ALKAL2: variants seen among roughly 807,000 people sequenced by gnomAD.
ALKAL2 encodes the protein AUG-alpha.
Under a neutral mutation model 18.5 loss-of-function variants are expected in ALKAL2, and 8 were observed. The observed-to-expected ratio is 0.43, with a 90% CI of 0.25 to 0.78. ALKAL2 has a LOEUF of 0.78. ALKAL2 is among the 30% of genes least tolerant of loss of function. ALKAL2 has a pLI of 0.22. For synonymous variants in ALKAL2, 135 were observed against 95.8 expected (o/e 1.41, Z -2.39); for missense variants, 241 against 211.2 (o/e 1.14, Z -0.88).
chr2:280,185 A>G (rs766349513), intron 5 of ALKAL2, 33 bp from the exon 6 acceptor site: 10 of 1,613,428 alleles, frequency 6.2e-6, no homozygotes, highest in Non-Finnish European at 8.5e-6. Flanking sequence ...TGATATGACT[A>G]TCCACACTTC....
At chr2:284,510 G>A (rs1022703848) in intron 4 of ALKAL2, among the ~76,000 whole-genome samples, 3 of 152,188 alleles carry the variant, frequency 2.0e-5, no homozygotes, top group Non-Finnish European at 4.4e-5. Flanking sequence ...AGAAGAGGCA[G>A]AAAGCAACAA....
At chr2:285,285 A>G (rs1008260125) in intron 4 of ALKAL2, among the ~76,000 whole-genome samples, 1 of 152,192 alleles carries the variant, frequency 6.6e-6, no homozygotes, top group Non-Finnish European at 1.5e-5. Flanking sequence ...CTTCGTGTAC[A>G]TTGGCTTTTC....
chr2:281,101 G>A (rs1246985600), intron 5 of ALKAL2, among the ~76,000 whole-genome samples: 3 of 152,204 alleles, frequency 2.0e-5, no homozygotes, highest in South Asian at 2.1e-4. Flanking sequence ...GAGAAAGCCC[G>A]GACTGTATCT....
At chr2:282,120 G>A (rs1265183468) in intron 5 of ALKAL2, among the ~76,000 whole-genome samples, 1 of 152,182 alleles carries the variant, frequency 6.6e-6, no homozygotes, top group Non-Finnish European at 1.5e-5. Flanking sequence ...GGGAAAGATG[G>A]AGTGGGGGAT....
chr2:286,574 T>C, intron 2 of ALKAL2: 1 of 491,794 alleles, frequency 2.0e-6, no homozygotes, highest in South Asian at 3.5e-5. Flanking sequence ...TCCAGGATTA[T>C]GTCGGCTGTC....
chr2:280,384 A>G (rs1046885028), intron 5 of ALKAL2, among the ~76,000 whole-genome samples: 4 of 152,222 alleles, frequency 2.6e-5, no homozygotes, highest in African/African-American at 7.2e-5. Flanking sequence ...ATCATCACAG[A>G]TACATGTGGA....
chr2:286,363 GTATT>G lies in ALKAL2; in HGVS notation c.254-24_254-21del, dbSNP rs1670508947. Reference sequence around the variant, plus strand: ...CAATTTCTGTTTCAGGGAAAAGAAAGTATTATATTACCTGAAGGACGCATTTTTT... The same window carrying G: ...CAATTTCTGTTTCAGGGAAAAGAAAGATATTACCTGAAGGACGCATTTTTT... On this transcript the variant is annotated intron_variant, in intron 2 of 5. Coordinates refer to ENST00000403610, the MANE Select transcript of ALKAL2 (RefSeq NM_001002919.3). The G allele has an allele frequency of 6.3e-7, 1 of 1,581,438 alleles. No individual in the cohort carries two copies. Among genetic ancestry groups the G allele is most frequent in the African/African-American group, 1.4e-5 (1 of 73,768 alleles).
At chr2:287,323 G>A in intron 2 of ALKAL2, 1 of 365,790 alleles carries the variant, frequency 2.7e-6, no homozygotes, top group Non-Finnish European at 4.9e-6. Context: ...CATTTCCAAA[G>A]TGACGGTTGA....
At chr2:280,286 C>A in intron 5 of ALKAL2, 134 bp from the exon 6 acceptor site, 1 of 955,362 alleles carries the variant, frequency 1.0e-6, no homozygotes, top group South Asian at 1.4e-5. Flanking sequence ...CTGTATTTCT[C>A]TGTGATCCAA....
chr2:284,905 C>T (rs1275882042), intron 4 of ALKAL2, among the ~76,000 whole-genome samples: 1 of 152,048 alleles, frequency 6.6e-6, no homozygotes, highest in African/African-American at 2.4e-5. Context: ...TTAATGATTC[C>T]CAAACAGGTG....
At chr2:286,430 A>T (rs2103085096) in intron 2 of ALKAL2, 87 bp from the exon 3 acceptor site, 1 of 1,043,048 alleles carries the variant, frequency 9.6e-7, no homozygotes, top group Non-Finnish European at 1.4e-6. Context: ...AGAAAATTGG[A>T]GCTCCATATT....
At chr2:281,860 C>CTGAT (rs1355405357) in intron 5 of ALKAL2, among the ~76,000 whole-genome samples, 3 of 152,032 alleles carry the variant, frequency 2.0e-5, no homozygotes, top group Non-Finnish European at 4.4e-5. Context: ...CATCTGTTCA[C>CTGAT]TGATTTAAAC....
chr2:287,863 G>A lies in ALKAL2; in HGVS notation c.-28C>T, dbSNP rs1670581467. On this transcript the variant is annotated 5_prime_UTR_variant, in exon 2 of 6. Coordinates refer to ENST00000403610, the MANE Select transcript of ALKAL2 (RefSeq NM_001002919.3). ...TGCGCTCGGGGCCGCGGGGCTGGGAGACTCCGACACGCGCCGAGAGCTGGG... is the reference window on the plus strand; with the variant it reads ...TGCGCTCGGGGCCGCGGGGCTGGGAAACTCCGACACGCGCCGAGAGCTGGG... 8.6e-6 allele frequency: 11 copies of A among 1,278,984 alleles called. No individual in the cohort carries two copies. The highest frequency in any genetic ancestry group is 2.8e-5 in the South Asian group (1 of 35,218). 79.2% of individuals were successfully genotyped at this position (1,278,984 alleles called of 1,614,324 possible). A position where few individuals can be genotyped will look rare whatever the true frequency, so the allele number is the denominator to read the frequency against.
At chr2:287,109 C>G (rs1355902775) in intron 2 of ALKAL2, 2 of 153,210 alleles carry the variant, frequency 1.3e-5, no homozygotes, top group Non-Finnish European at 2.9e-5. Context: ...CACAGCTGAC[C>G]CCCTAGTGAG....
rs981692079 is a variant in ALKAL2, at chr2:287,662, G to A, written c.174C>T (p.Gly58=). Residue 58 remains glycine (G), a synonymous_variant, in exon 2 of 6, where the codon GGC becomes GGT. Transcript: ENST00000403610. ...CGCAGTCCCGCCCGAGGAGCTGCAG[G>A]CCCTTGTGCTCCGCCGAGTGGTGCT... ...LRKHHSAEHK[G]LQLLGRDCAL... 53 of 1,483,834 alleles carry A rather than the reference G, an allele frequency of 3.6e-5. 1 individual carries two copies. In the Admixed American group the frequency reaches 1.1e-3, roughly 30 times the overall value. The allele number at this position is 1,483,834 out of a possible 1,614,324, so 91.9% of individuals were successfully genotyped here.
Position 279,933 on chromosome 2 carries a change from A to C in ALKAL2, c.*214T>G, listed in dbSNP as rs1329041209. The C allele has an allele frequency of 3.9e-6, 2 of 512,042 alleles. No individual in the cohort carries two copies. The highest frequency in any genetic ancestry group is 7.1e-6 in the Non-Finnish European group (2 of 283,162). The allele number at this position is 512,042 out of a possible 1,614,324, so 31.7% of individuals were successfully genotyped here. A position where few individuals can be genotyped will look rare whatever the true frequency, so the allele number is the denominator to read the frequency against. On this transcript the variant is annotated 3_prime_UTR_variant, in exon 6 of 6. Coordinates refer to ENST00000403610, the MANE Select transcript of ALKAL2 (RefSeq NM_001002919.3). Reference sequence around the variant, plus strand: ...TTCCTTTTGTGTTTTTTTTTTAAATAAGTGACAGATAACACTGTCAAGTAC... The same window carrying C: ...TTCCTTTTGTGTTTTTTTTTTAAATCAGTGACAGATAACACTGTCAAGTAC...
intron 4 of ALKAL2, 92 bp downstream of exon 4, chr2:286,031 A>C (rs1670497306): frequency 8.9e-7 from 1 of 1,122,696 alleles, no homozygotes; most frequent in African/African-American, 1.6e-5. Flanking sequence ...ATTTGAGCTA[A>C]GAAGGCAGGG....
Position 287,562 on chromosome 2 carries a change from G to GA in ALKAL2, c.253+20_253+21insT, listed in dbSNP as rs1240824325. ...TATTTCCCAGCAGCCCCGGCCCTCG[G>GA]GCGCGCTCGGCCCCACTCACCCACT... On this transcript the variant is annotated intron_variant, in intron 2 of 5. Coordinates refer to ENST00000403610, the MANE Select transcript of ALKAL2 (RefSeq NM_001002919.3). The GA allele has an allele frequency of 3.7e-6, 5 of 1,366,254 alleles. No individual in the cohort carries two copies. The African/African-American group carries it at 7.7e-5, about 21-fold the overall frequency. The allele number at this position is 1,366,254 out of a possible 1,614,324, so 84.6% of individuals were successfully genotyped here. A position where few individuals can be genotyped will look rare whatever the true frequency, so the allele number is the denominator to read the frequency against.
chr2:287,563 G>A lies in ALKAL2; in HGVS notation c.253+20C>T. The A allele has an allele frequency of 7.3e-7, 1 of 1,367,144 alleles. No individual in the cohort carries two copies. The highest frequency in any genetic ancestry group is 1.7e-5 in the South Asian group (1 of 60,100). The allele number at this position is 1,367,144 out of a possible 1,614,324, so 84.7% of individuals were successfully genotyped here. ...ATTTCCCAGCAGCCCCGGCCCTCGG[G>A]CGCGCTCGGCCCCACTCACCCACTC... On this transcript the variant is annotated intron_variant, in intron 2 of 5. Transcript: ENST00000403610.
Sources: allele counts gnomAD v4.1 joint callset (sites outside exome capture counted in the v4.1 genomes callset), GRCh38; gene constraint gnomAD v4.1.1; transcripts MANE v1.5; gene names NCBI Gene and HGNC (gene_info 2026-07-23, HGNC 2026-07-21).